Variants in ZNF804A observed in about 807,000 individuals in gnomAD.
The protein encoded by ZNF804A is zinc finger protein 804A.
A neutral mutation model predicts 16.5 loss-of-function variants in ZNF804A; 2 were observed. That is an observed-to-expected ratio of 0.12 (90% CI 0.05 to 0.38). The LOEUF is 0.38. Among genes scored for constraint, ZNF804A ranks in the 10% least tolerant of loss-of-function variants. ZNF804A has a pLI of 0.99. For missense variants in ZNF804A, 1,473 were observed against 1,390.7 expected, an observed-to-expected ratio of 1.06 and a Z score of -0.94; for synonymous variants, 534 against 489.6, an observed-to-expected ratio of 1.09 and a Z score of -1.20.
intron 1 of ZNF804A, among the ~76,000 whole-genome samples, chr2:184,774,432 G>A (rs1251953641): frequency 2.0e-5 from 3 of 151,680 alleles, no homozygotes; most frequent in African/African-American, 7.3e-5. Flanking sequence ...TTATTTCTTT[G>A]TAGATGGTTC....
chr2:184,685,007 C>T (rs1202298478), intron 1 of ZNF804A, among the ~76,000 whole-genome samples: 1 of 152,128 alleles, frequency 6.6e-6, no homozygotes, highest in Non-Finnish European at 1.5e-5. Context: ...ATTCAGCCCA[C>T]CAGGCTCCTC....
At chr2:184,809,188 A>G (rs192177286) in intron 1 of ZNF804A, among the ~76,000 whole-genome samples, 1 of 151,942 alleles carries the variant, frequency 6.6e-6, no homozygotes, top group Non-Finnish European at 1.5e-5. Flanking sequence ...AATATAGGGT[A>G]TTAATTTGGT....
intron 2 of ZNF804A, among the ~76,000 whole-genome samples, chr2:184,923,890 GGGATACATTCCTCTT>G (rs1685570342): frequency 1.3e-5 from 2 of 151,814 alleles, no homozygotes; most frequent in African/African-American, 4.8e-5. Flanking sequence ...TTGTCTCCCT[GGGATACATTCCTCTT>G]GGTCATGATG....
At chr2:184,780,681 G>T (rs1223103228) in intron 1 of ZNF804A, among the ~76,000 whole-genome samples, 1 of 151,864 alleles carries the variant, frequency 6.6e-6, no homozygotes, top group Non-Finnish European at 1.5e-5. Flanking sequence ...GTGAAACGAA[G>T]AAAAGCTTTT....
chr2:184,889,296 T>C (rs916397564), intron 2 of ZNF804A, among the ~76,000 whole-genome samples: 2 of 151,878 alleles, frequency 1.3e-5, no homozygotes, highest in African/African-American at 4.8e-5. Context: ...ATAGAGAAAT[T>C]ATGTTAATTT....
chr2:184,721,023 G>A (rs1693303770), intron 1 of ZNF804A, among the ~76,000 whole-genome samples: 1 of 152,034 alleles, frequency 6.6e-6, no homozygotes. Context: ...AAATGATATT[G>A]GGAAAATTTG....
At chr2:184,845,730 A>C (rs1298650713) in intron 1 of ZNF804A, among the ~76,000 whole-genome samples, 1 of 152,126 alleles carries the variant, frequency 6.6e-6, no homozygotes, top group Admixed American at 6.6e-5. Flanking sequence ...GATCATCATC[A>C]TGAGAATGTG....
intron 1 of ZNF804A, among the ~76,000 whole-genome samples, chr2:184,601,198 T>G (rs1264910161): frequency 1.3e-5 from 2 of 152,110 alleles, no homozygotes; most frequent in Non-Finnish European, 2.9e-5. Context: ...CTACTATATG[T>G]GCTTTCTAGC....
chr2:184,909,047 G>T (rs1685320402), intron 2 of ZNF804A, among the ~76,000 whole-genome samples: 2 of 151,990 alleles, frequency 1.3e-5, no homozygotes, highest in Admixed American at 6.6e-5. Context: ...GTGTACAATA[G>T]CTCCTTTGGA....
intron 1 of ZNF804A, among the ~76,000 whole-genome samples, chr2:184,631,369 T>C (rs1191501387): frequency 6.6e-6 from 1 of 152,180 alleles, no homozygotes; most frequent in Non-Finnish European, 1.5e-5. Flanking sequence ...TTACCATTAT[T>C]GCACTAATTT....
chr2:184,767,296 T>C (rs1192197862), intron 1 of ZNF804A, among the ~76,000 whole-genome samples: 1 of 152,140 alleles, frequency 6.6e-6, no homozygotes. Flanking sequence ...TGAAACATTC[T>C]ACAAAATGGA....
intron 1 of ZNF804A, among the ~76,000 whole-genome samples, chr2:184,743,139 A>C (rs982289751): frequency 1.3e-5 from 2 of 151,976 alleles, no homozygotes; most frequent in Non-Finnish European, 2.9e-5. Context: ...GCAGTACTCT[A>C]TATCTGTCTC....
In ZNF804A at chr2:184,812,897, T is replaced by C. The variant is rs558779454; in HGVS notation, c.112-53472T>C. On this transcript the variant is annotated intron_variant, in intron 1 of 3. Coordinates refer to ENST00000302277, the MANE Select transcript of ZNF804A (RefSeq NM_194250.2). ...GGTGAGAGTAAAGAATACATAAAAATAAATAATGAAATAATAACTCGTGAA... is the reference window on the plus strand; with the variant it reads ...GGTGAGAGTAAAGAATACATAAAAACAAATAATGAAATAATAACTCGTGAA... 2.6e-5 allele frequency among the ~76,000 whole-genome samples: 4 copies of C among 152,180 alleles called. No homozygotes were observed. The South Asian group carries it at 6.2e-4, about 24-fold the overall frequency.
Position 184,666,167 on chromosome 2 carries a change from C to T in ZNF804A, c.111+67097C>T, listed in dbSNP as rs541603161. Among the ~76,000 whole-genome samples the T allele has an allele frequency of 2.6e-5, 4 of 152,032 alleles. No homozygotes were observed. The South Asian group carries it at 6.2e-4, about 24-fold the overall frequency. ...CACTTTTTTTCAAACATTTCCTTTA[C>T]CCAATAGCAAATACATGTAGAGCAA... On this transcript the variant is annotated intron_variant, in intron 1 of 3. Coordinates refer to ENST00000302277, the MANE Select transcript of ZNF804A (RefSeq NM_194250.2).
intron 1 of ZNF804A, among the ~76,000 whole-genome samples, chr2:184,800,900 AT>A (rs1694714814): frequency 6.6e-6 from 1 of 152,090 alleles, no homozygotes; most frequent in Admixed American, 6.5e-5. Flanking sequence ...TTTTATATTT[AT>A]TCTTTATTAG....
intron 2 of ZNF804A, among the ~76,000 whole-genome samples, chr2:184,897,708 A>T (rs1038725727): frequency 1.3e-5 from 2 of 151,958 alleles, no homozygotes; most frequent in Non-Finnish European, 2.9e-5. Context: ...ATACTACCAT[A>T]TTTTCTTGCT....
intron 1 of ZNF804A, among the ~76,000 whole-genome samples, chr2:184,853,800 A>T (rs190026535): frequency 6.9e-6 from 1 of 145,438 alleles, no homozygotes; most frequent in Non-Finnish European, 1.5e-5. Context: ...GTTTGCTAGT[A>T]CTTTATGCTG....
intron 1 of ZNF804A, among the ~76,000 whole-genome samples, chr2:184,826,448 A>C (rs1354093095): frequency 6.6e-6 from 1 of 152,082 alleles, no homozygotes; most frequent in East Asian, 1.9e-4. Flanking sequence ...TTTCAGATTA[A>C]ATTTCATGGA....
Position 184,938,063 on chromosome 2 carries a change from T to C in ZNF804A, c.2667T>C (p.Ser889=), listed in dbSNP as rs145687850. 1.0e-4 allele frequency: 169 copies of C among 1,614,106 alleles called. No homozygotes were observed. The African/African-American group carries it at 1.9e-3, about 18-fold the overall frequency. The change falls in exon 4 of 4, where the codon TCT becomes TCC. Residue 889 remains serine, a synonymous_variant. Coordinates refer to ENST00000302277, the MANE Select transcript of ZNF804A (RefSeq NM_194250.2). The part of the protein sequence containing the change: ...LSFHPNNLLP[S]ETNGETEHLE... ...TCCACCCTAACAATCTCCTTCCTTC[T>C]GAAACCAATGGTGAAACTGAGCATT...
Sources: gnomAD v4.1 joint callset for allele counts (sites outside exome capture counted in the v4.1 genomes callset) on GRCh38, gnomAD v4.1.1 for gene constraint, MANE v1.5 for transcripts, NCBI Gene and HGNC (gene_info 2026-07-23, HGNC 2026-07-21) for gene names.